Variants in CNTNAP2 observed in about 807,000 individuals in gnomAD.
The protein encoded by CNTNAP2 is contactin associated protein 2, also known as contactin-associated protein-like 2.
A neutral mutation model predicts 155.2 loss-of-function variants in CNTNAP2; 98 were observed. The observed-to-expected ratio is 0.63, with a 90% CI of 0.54 to 0.75. CNTNAP2 has a LOEUF of 0.75. Among genes scored for constraint, CNTNAP2 ranks in the 30% least tolerant of loss-of-function variants. The probability of loss-of-function intolerance (pLI) is 0.00; values close to 1 mark genes in which losing one functional copy is unlikely to be tolerated. For missense variants in CNTNAP2, 1,727 were observed against 1,688.1 expected (o/e 1.02, Z -0.40); for synonymous variants, 651 against 631.2 (o/e 1.03, Z -0.47).
intron 18 of CNTNAP2, among the ~76,000 whole-genome samples, chr7:148,201,950 G>A (rs1795376975): frequency 6.6e-6 from 1 of 151,932 alleles, no homozygotes. Flanking sequence ...GTGAAGGACA[G>A]TATTACAAGC....
intron 1 of CNTNAP2, among the ~76,000 whole-genome samples, chr7:146,760,564 A>G (rs1802080296): frequency 1.3e-5 from 2 of 151,586 alleles, no homozygotes; most frequent in South Asian, 4.2e-4. Flanking sequence ...AGCTGGCACT[A>G]CAGGCACACA....
At chr7:147,019,492 C>T (rs952293985) in intron 3 of CNTNAP2, among the ~76,000 whole-genome samples, 8 of 152,020 alleles carry the variant, frequency 5.3e-5, no homozygotes, top group African/African-American at 1.7e-4. Flanking sequence ...TCCATATAAC[C>T]TTCCTAGAAG....
chr7:147,861,229 C>T (rs996644149), intron 13 of CNTNAP2, among the ~76,000 whole-genome samples: 1 of 152,162 alleles, frequency 6.6e-6, no homozygotes, highest in African/African-American at 2.4e-5. Flanking sequence ...GAACCTAGCC[C>T]ATTGCCTTTC....
chr7:147,998,563 A>G (rs1801847463), intron 15 of CNTNAP2, among the ~76,000 whole-genome samples: 1 of 152,236 alleles, frequency 6.6e-6, no homozygotes, highest in African/African-American at 2.4e-5. Context: ...AAGGAAACAC[A>G]TAAAGGTTAA....
chr7:146,514,755 G>T (rs1209988279), intron 1 of CNTNAP2, among the ~76,000 whole-genome samples: 1 of 151,758 alleles, frequency 6.6e-6, no homozygotes, highest in Non-Finnish European at 1.5e-5. Flanking sequence ...CCACGGTTGT[G>T]TTGTTTCTTA....
intron 11 of CNTNAP2, among the ~76,000 whole-genome samples, chr7:147,518,278 G>C (rs1799165389): frequency 6.6e-6 from 1 of 152,116 alleles, no homozygotes; most frequent in South Asian, 2.1e-4. Flanking sequence ...TGTTTCAAAT[G>C]ATGACGAATT....
chr7:147,294,247 T>C (rs747458765), intron 8 of CNTNAP2, among the ~76,000 whole-genome samples: 5 of 152,250 alleles, frequency 3.3e-5, no homozygotes, highest in Non-Finnish European at 5.9e-5. Context: ...TAAGTGAAGA[T>C]GTCAATAATA....
At chr7:146,659,171 T>G in intron 1 of CNTNAP2, among the ~76,000 whole-genome samples, 1 of 152,148 alleles carries the variant, frequency 6.6e-6, no homozygotes, top group East Asian at 1.9e-4. Flanking sequence ...TCTCAGTGAT[T>G]AAAGAAAAGG....
At chr7:147,391,186 G>A (rs1439842568) in intron 9 of CNTNAP2, among the ~76,000 whole-genome samples, 2 of 152,086 alleles carry the variant, frequency 1.3e-5, no homozygotes, top group Non-Finnish European at 2.9e-5. Flanking sequence ...AGACTCTCTG[G>A]TTCAAAAGTG....
intron 9 of CNTNAP2, among the ~76,000 whole-genome samples, chr7:147,378,565 A>G (rs2116927540): frequency 6.6e-6 from 1 of 152,044 alleles, no homozygotes; most frequent in Middle Eastern, 3.4e-3. Flanking sequence ...AAATAACTGA[A>G]CTCCTGGAGA....
intron 12 of CNTNAP2, among the ~76,000 whole-genome samples, chr7:147,575,377 T>G (rs1266329265): frequency 4.9e-5 from 6 of 123,340 alleles, no homozygotes; most frequent in African/African-American, 1.1e-4. Context: ...TAGGGGTGTG[T>G]GTGTGTGTGT....
chr7:146,188,977 T>C (rs1798662344), intron 1 of CNTNAP2, among the ~76,000 whole-genome samples: 1 of 152,208 alleles, frequency 6.6e-6, no homozygotes. Context: ...CTGTTTGTGA[T>C]AAACTAATTA....
chr7:146,272,518 C>T (rs1800098154), intron 1 of CNTNAP2, among the ~76,000 whole-genome samples: 1 of 152,124 alleles, frequency 6.6e-6, no homozygotes, highest in Admixed American at 6.6e-5. Flanking sequence ...CTCTGGCTCC[C>T]CGCTGGTAGA....
chr7:146,979,190 G>A (rs1242351242), intron 3 of CNTNAP2, among the ~76,000 whole-genome samples: 5 of 152,210 alleles, frequency 3.3e-5, no homozygotes, highest in South Asian at 4.1e-4. Flanking sequence ...TACTCTAAAT[G>A]TTGCCCTGTG....
At chr7:147,792,255 G>A (rs1036622642) in intron 13 of CNTNAP2, among the ~76,000 whole-genome samples, 2 of 152,036 alleles carry the variant, frequency 1.3e-5, no homozygotes, top group East Asian at 1.9e-4. Flanking sequence ...GTATAGTCAC[G>A]GTGTTGTGCA....
At chr7:148,216,587 C>A (rs1795642026) in intron 18 of CNTNAP2, among the ~76,000 whole-genome samples, 1 of 152,218 alleles carries the variant, frequency 6.6e-6, no homozygotes, top group Non-Finnish European at 1.5e-5. Context: ...TCTCTTCAAC[C>A]TGACAATTCG....
At chr7:147,291,302 T>C (rs1348793544) in intron 8 of CNTNAP2, among the ~76,000 whole-genome samples, 1 of 152,112 alleles carries the variant, frequency 6.6e-6, no homozygotes, top group Non-Finnish European at 1.5e-5. Flanking sequence ...GTATTTGTCC[T>C]AATGCTCTCC....
At chr7:147,211,192 A>G (rs956446256) in intron 8 of CNTNAP2, among the ~76,000 whole-genome samples, 1 of 151,882 alleles carries the variant, frequency 6.6e-6, no homozygotes, top group Non-Finnish European at 1.5e-5. Context: ...TCTTAGTTTT[A>G]TTCCCTGATG....
intron 1 of CNTNAP2, among the ~76,000 whole-genome samples, chr7:146,752,547 A>C (rs1269194229): frequency 6.6e-6 from 1 of 151,926 alleles, no homozygotes; most frequent in Non-Finnish European, 1.5e-5. Context: ...GATTGCAAAA[A>C]TTTTCTCCCA....
Sources: allele counts gnomAD v4.1 joint callset (sites outside exome capture counted in the v4.1 genomes callset), GRCh38; gene constraint gnomAD v4.1.1; transcripts MANE v1.5; gene names NCBI Gene and HGNC (gene_info 2026-07-23, HGNC 2026-07-21).